SORBS2: variants seen among roughly 807,000 people sequenced by gnomAD.
SORBS2 encodes the protein sorbin and SH3 domain-containing protein 2.
In SORBS2, 46 loss-of-function variants were observed where a neutral mutation model predicts 97.7. The observed-to-expected ratio is 0.47, with a 90% CI of 0.37 to 0.60. The LOEUF (loss-of-function observed/expected upper bound fraction) is 0.60. SORBS2 is among the 20% of genes least tolerant of loss of function. The pLI is 0.00. For missense variants in SORBS2, 1,316 were observed against 1,282.3 expected (o/e 1.03, Z -0.40); for synonymous variants, 476 against 473.4 (o/e 1.01, Z -0.07).
At chr4:185,787,787 A>C (rs1350623172) in intron 1 of SORBS2, among the ~76,000 whole-genome samples, 1 of 152,110 alleles carries the variant, frequency 6.6e-6, no homozygotes, top group Non-Finnish European at 1.5e-5. Context: ...TCTCTACAGC[A>C]TTTCTTAAAT....
In SORBS2 at chr4:185,874,858, A is replaced by ATT. The variant is rs111821985; in HGVS notation, c.-338+81336_-338+81337dup. ...CTATTATTGGTTTTACCTTACCCTGATTTTTTTTTTTTTTGCATGCTACAG... is the reference window on the plus strand; with the variant it reads ...CTATTATTGGTTTTACCTTACCCTGATTTTTTTTTTTTTTTTGCATGCTACAG... On this transcript the variant is annotated intron_variant, in intron 1 of 20. Transcript: ENST00000284776. 1.1e-3 allele frequency among the ~76,000 whole-genome samples: 106 copies of ATT among 93,128 alleles called. 5 individuals are homozygous for ATT. Among genetic ancestry groups the ATT allele is most frequent in the African/African-American group, 3.2e-3 (98 of 30,368 alleles). The allele number at this position is 93,128 out of a possible 152,430, so 61.1% of individuals were successfully genotyped here.
chr4:185,706,733 T>C (rs1298497874), intron 2 of SORBS2, among the ~76,000 whole-genome samples: 1 of 152,380 alleles, frequency 6.6e-6, no homozygotes, highest in Admixed American at 6.5e-5. Context: ...TGTATTTATA[T>C]GTCTTCTAAA....
chr4:185,920,427 G>A (rs1372990761), intron 1 of SORBS2, among the ~76,000 whole-genome samples: 1 of 152,160 alleles, frequency 6.6e-6, no homozygotes, highest in Non-Finnish European at 1.5e-5. Flanking sequence ...GTACAATAGT[G>A]CTGAAAGAAG....
chr4:185,690,380 G>A (rs758902607), intron 2 of SORBS2, among the ~76,000 whole-genome samples, 182 bp downstream of exon 4: 10 of 152,304 alleles, frequency 6.6e-5, no homozygotes, highest in Admixed American at 3.9e-4. Flanking sequence ...AAAATTCTAT[G>A]TTTGGTGGCT....
intron 1 of SORBS2, among the ~76,000 whole-genome samples, chr4:185,946,980 C>T (rs2099274834): frequency 6.6e-6 from 1 of 152,242 alleles, no homozygotes; most frequent in South Asian, 2.1e-4. Flanking sequence ...GTACCTGGCC[C>T]ATGACTTAGT....
rs570217797 is a variant in SORBS2 at position 185,796,970 on chromosome 4, G to A, written c.-337-21604C>T. ...GGGCATGCCTGGGCTCTGTGGCCAC[G>A]CTATTATTCCCTGGTCACAGTGGGG... On this transcript the variant is annotated intron_variant, in intron 1 of 20. Coordinates refer to the SORBS2 transcript ENST00000284776. Among the ~76,000 whole-genome samples, 6 of 151,368 alleles carry A rather than the reference G, an allele frequency of 4.0e-5. 1 individual carries two copies. In the South Asian group the frequency reaches 8.4e-4, roughly 21 times the overall value.
intron 1 of SORBS2, among the ~76,000 whole-genome samples, chr4:185,787,802 C>T (rs1374576845): frequency 1.3e-5 from 2 of 152,140 alleles, no homozygotes; most frequent in East Asian, 1.9e-4. Flanking sequence ...TTAAATAGGG[C>T]CTAGTCTGGA....
At position 185,606,009 on chromosome 4, in the gene SORBS2, AAG is replaced by A. The variant is rs1351925902; in HGVS notation, c.2796+5769_2796+5770del. On this transcript the variant is annotated intron_variant, in intron 12 of 14. Coordinates refer to ENST00000418609, the Ensembl canonical transcript of SORBS2. The surrounding 1 kb of genome is among the most constrained non-coding windows in gnomAD (Gnocchi z 4.3). ...AAGTAGTCAATGTGAAGTCAACACAAAGAGAACGACCTCTTTAGAAAATCGAA... is the reference window on the plus strand; with the variant it reads ...AAGTAGTCAATGTGAAGTCAACACAAAGAACGACCTCTTTAGAAAATCGAA... 1 of 781,822 alleles carries A rather than the reference AAG, an allele frequency of 1.3e-6. No homozygotes were observed. The highest frequency in any genetic ancestry group is 1.9e-5 in the African/African-American group (1 of 53,060). The allele number at this position is 781,822 out of a possible 1,614,324, so 48.4% of individuals were successfully genotyped here.
intron 1 of SORBS2, among the ~76,000 whole-genome samples, chr4:185,779,016 G>T (rs1499017): frequency 6.6e-6 from 1 of 152,124 alleles, no homozygotes; most frequent in Admixed American, 6.5e-5. Flanking sequence ...GCACCTGAGC[G>T]TTGTGTGTTT....
At chr4:185,741,644 G>A (rs560551479) in intron 2 of SORBS2, among the ~76,000 whole-genome samples, 2 of 152,076 alleles carry the variant, frequency 1.3e-5, no homozygotes, top group South Asian at 2.1e-4. Context: ...GATTACAGGC[G>A]TGAGCCACCG....
At position 185,709,679 on chromosome 4, in the gene SORBS2, C is replaced by T. The variant is rs2098400539; in HGVS notation, c.-197-30857G>A. Among the ~76,000 whole-genome samples the T allele has an allele frequency of 2.0e-5, 3 of 152,080 alleles. 1 individual carries two copies. Among genetic ancestry groups the T allele is most frequent in the Admixed American group, 2.0e-4 (3 of 15,270 alleles). ...GTAGATCCTGTCCTCTGTTAGCAAACTCCACTCATTTGCTTTTTGAAGTTG... is the reference window on the plus strand; with the variant it reads ...GTAGATCCTGTCCTCTGTTAGCAAATTCCACTCATTTGCTTTTTGAAGTTG... On this transcript the variant is annotated intron_variant, in intron 2 of 20. Coordinates refer to the SORBS2 transcript ENST00000284776.
At chr4:185,635,369 C>G (rs766518545) in intron 4 of SORBS2, 1 of 1,613,254 alleles carries the variant, frequency 6.2e-7, no homozygotes, top group Non-Finnish European at 8.5e-7. Context: ...TTGAAAACAC[C>G]AGAAGAATGA....
intron 2 of SORBS2, among the ~76,000 whole-genome samples, chr4:185,722,601 T>C (rs984865324): frequency 6.6e-6 from 1 of 152,138 alleles, no homozygotes; most frequent in Non-Finnish European, 1.5e-5. Context: ...TGGGAATAGA[T>C]TATTAGTTAT....
chr4:185,826,817 A>C (rs1181289511), intron 1 of SORBS2, among the ~76,000 whole-genome samples: 1 of 152,206 alleles, frequency 6.6e-6, no homozygotes. Context: ...TAATTATGTG[A>C]CCATGAGCAA....
intron 1 of SORBS2, among the ~76,000 whole-genome samples, chr4:185,879,910 C>T (rs78368938): frequency 0.057 from 8,678 of 152,254 alleles, 302 homozygotes; most frequent in African/African-American, 0.092. Flanking sequence ...GTGCTGGGAC[C>T]TTCTACGAGA....
chr4:185,932,204 G>A (rs10022762), intron 1 of SORBS2, among the ~76,000 whole-genome samples: 115,945 of 151,518 alleles, frequency 0.77, 44,436 homozygotes, highest in Middle Eastern at 0.86. Flanking sequence ...CAATGCTTGC[G>A]GGATTAGGAG....
In SORBS2 at chr4:185,624,380, C is replaced by T. The variant is rs1465422708; in HGVS notation, c.749G>A (p.Arg250Gln). Residue 250 changes from arginine to glutamine, a missense_variant, in exon 7 of 15, where the codon CGG becomes CAG. Transcript: ENST00000418609. The stretch of plus-strand genomic sequence containing the variant: ...GAAACTAATGGCTCTTGGTGAGTCC[C>T]GAGGGACATCCAAGTGCTGTCTGTA... 6.2e-6 allele frequency: 10 copies of T among 1,614,154 alleles called. No homozygotes were observed. The East Asian group carries it at 8.9e-5, about 14-fold the overall frequency.
intron 4 of SORBS2, among the ~76,000 whole-genome samples, chr4:185,666,890 A>C (rs2097612899): frequency 6.6e-6 from 1 of 152,220 alleles, no homozygotes; most frequent in African/African-American, 2.4e-5. Flanking sequence ...TTGGCACTAA[A>C]TCTTAGGTAA....
intron 2 of SORBS2, among the ~76,000 whole-genome samples, chr4:185,685,072 G>A (rs1223494916): frequency 6.6e-6 from 1 of 152,202 alleles, no homozygotes; most frequent in African/African-American, 2.4e-5. Flanking sequence ...AGGTATCACT[G>A]TTTTAGTGAA....
Sources: allele counts gnomAD v4.1 joint callset (sites outside exome capture counted in the v4.1 genomes callset), GRCh38; gene constraint gnomAD v4.1.1; non-coding constraint Gnocchi (gnomAD v3.1); transcripts MANE v1.5; gene names NCBI Gene and HGNC (gene_info 2026-07-23, HGNC 2026-07-21).